The following PTPN4 variants were observed in gnomAD, a reference collection of about 807,000 sequenced individuals.
PTPN4 encodes tyrosine-protein phosphatase non-receptor type 4.
A neutral mutation model predicts 135.5 loss-of-function variants in PTPN4; 49 were observed. The observed-to-expected ratio is 0.36, with a 90% CI of 0.29 to 0.46. The LOEUF is 0.46. PTPN4 is among the 20% of genes least tolerant of loss of function. The pLI is 1.00. For synonymous variants in PTPN4, 333 were observed against 369.9 expected (o/e 0.90, Z 1.14); for missense variants, 860 against 1,101.0 (o/e 0.78, Z 3.10).
intron 2 of PTPN4, among the ~76,000 whole-genome samples, chr2:119,821,161 C>T (rs1039448743): frequency 2.0e-5 from 3 of 147,570 alleles, no homozygotes; most frequent in African/African-American, 5.0e-5. Flanking sequence ...GGCGTGATCT[C>T]GGTTCACTGC....
At chr2:119,785,668 T>C (rs1691033687) in intron 1 of PTPN4, among the ~76,000 whole-genome samples, 1 of 152,146 alleles carries the variant, frequency 6.6e-6, no homozygotes, top group East Asian at 1.9e-4. Context: ...GAATGATGCA[T>C]ATAATGAACA....
chr2:119,760,568 C>A (rs543002887), intron 1 of PTPN4, among the ~76,000 whole-genome samples, 184 bp downstream of exon 1: 1 of 152,000 alleles, frequency 6.6e-6, no homozygotes, highest in Non-Finnish European at 1.5e-5. Context: ...CGCTTTCTTT[C>A]CTTTCTTCCT....
intron 1 of PTPN4, among the ~76,000 whole-genome samples, chr2:119,795,134 T>G (rs1039871481): frequency 1.3e-5 from 2 of 152,184 alleles, no homozygotes; most frequent in Admixed American, 6.5e-5. Flanking sequence ...CCATCATCTC[T>G]TGGTGTCTGG....
At chr2:119,767,046 C>A (rs1219832490) in intron 1 of PTPN4, among the ~76,000 whole-genome samples, 2 of 152,156 alleles carry the variant, frequency 1.3e-5, no homozygotes, top group African/African-American at 4.8e-5. Flanking sequence ...AAAAGTACAA[C>A]AAAGAGCTCC....
chr2:119,945,211 G>C lies in PTPN4; in HGVS notation c.1486G>C (p.Asp496His), dbSNP rs1161311117. 1.9e-6 allele frequency: 3 copies of C among 1,588,000 alleles called. No individual in the cohort carries two copies. Among genetic ancestry groups the C allele is most frequent in the African/African-American group, 2.7e-5 (2 of 73,284 alleles). The change falls in exon 16 of 27, where the codon GAT becomes CAT. Residue 496 changes from aspartate to histidine, a missense_variant. Around this residue, in one of 2 missense-constraint regions of PTPN4, gnomAD observed 684 missense variants for 807.0 expected, o/e 0.85. Coordinates refer to ENST00000263708, the MANE Select transcript of PTPN4 (RefSeq NM_002830.4). ...DLESHINETFDIPSSPEKPTP... is the reference protein window; with the variant it reads ...DLESHINETFHIPSSPEKPTP... ...AGAAAGTCATATTAATGAAACATTTGATATTCCATCTTCTCCTGAAAAACC... is the reference window on the plus strand; with the variant it reads ...AGAAAGTCATATTAATGAAACATTTCATATTCCATCTTCTCCTGAAAAACC...
At chr2:119,884,208 A>G (rs971266296) in intron 8 of PTPN4, among the ~76,000 whole-genome samples, 7 of 152,202 alleles carry the variant, frequency 4.6e-5, no homozygotes, top group Non-Finnish European at 4.4e-5. Flanking sequence ...CCTATTGCCT[A>G]TTTTTATATG....
At chr2:119,803,080 T>G (rs573752348) in intron 1 of PTPN4, among the ~76,000 whole-genome samples, 1 of 152,336 alleles carries the variant, frequency 6.6e-6, no homozygotes, top group Admixed American at 6.5e-5. Flanking sequence ...GTTTTCTGTT[T>G]CTTTGTTAGC....
chr2:119,764,314 A>T (rs559561647), intron 1 of PTPN4, among the ~76,000 whole-genome samples: 1 of 152,352 alleles, frequency 6.6e-6, no homozygotes, highest in South Asian at 2.1e-4. Context: ...TTAAAAATAT[A>T]TAGGAGTTCC....
chr2:119,928,107 T>G (rs1678851729), intron 13 of PTPN4, among the ~76,000 whole-genome samples: 1 of 152,204 alleles, frequency 6.6e-6, no homozygotes, highest in Non-Finnish European at 1.5e-5. Flanking sequence ...TGTGTATATT[T>G]GTTTCCAAAT....
At chr2:119,963,363 G>T (rs1368946419) in intron 24 of PTPN4, among the ~76,000 whole-genome samples, 1 of 152,186 alleles carries the variant, frequency 6.6e-6, no homozygotes, top group Non-Finnish European at 1.5e-5. Flanking sequence ...CATGCTGCCA[G>T]TTCTGTCAGG....
intron 3 of PTPN4, among the ~76,000 whole-genome samples, chr2:119,875,611 AC>A (rs1190602930): frequency 6.6e-6 from 1 of 152,206 alleles, no homozygotes; most frequent in South Asian, 2.1e-4. Context: ...TGAAAACCCT[AC>A]CCCCAGCTAT....
Position 119,977,398 on chromosome 2 carries a change from A to G in PTPN4, c.*328A>G, listed in dbSNP as rs945485080. Reference sequence around the variant, plus strand: ...GCCACAAACAAGGCTCAAAATTCTCATCATCTCTGTTATACACCTGTATCA... The same window carrying G: ...GCCACAAACAAGGCTCAAAATTCTCGTCATCTCTGTTATACACCTGTATCA... On this transcript the variant is annotated 3_prime_UTR_variant, in exon 27 of 27. Transcript: ENST00000263708. 1 of 203,798 alleles carries G rather than the reference A, an allele frequency of 4.9e-6. No individual in the cohort carries two copies. The highest frequency in any genetic ancestry group is 2.4e-5 in the African/African-American group (1 of 42,526). The allele number at this position is 203,798 out of a possible 1,614,324, so 12.6% of individuals were successfully genotyped here. A position where few individuals can be genotyped will look rare whatever the true frequency, so the allele number is the denominator to read the frequency against.
At chr2:119,924,116 G>A (rs1202915484) in intron 12 of PTPN4, among the ~76,000 whole-genome samples, 26 of 134,910 alleles carry the variant, frequency 1.9e-4, no homozygotes, top group African/African-American at 7.0e-4. Flanking sequence ...CAGCCTGGGC[G>A]ACAGAGTGAG....
intron 10 of PTPN4, among the ~76,000 whole-genome samples, chr2:119,911,000 A>G (rs1678563209): frequency 1.3e-5 from 2 of 152,186 alleles, no homozygotes; most frequent in Non-Finnish European, 2.9e-5. Context: ...AGAAACTTGA[A>G]TAGATCTGTA....
chr2:119,908,117 G>A (rs918215450), intron 10 of PTPN4, among the ~76,000 whole-genome samples: 7 of 152,056 alleles, frequency 4.6e-5, no homozygotes, highest in East Asian at 3.9e-4. Context: ...AAACTAAAAC[G>A]CTTTTACATA....
At chr2:119,835,342 G>A (rs970385668) in intron 2 of PTPN4, among the ~76,000 whole-genome samples, 9 of 152,020 alleles carry the variant, frequency 5.9e-5, no homozygotes, top group African/African-American at 1.9e-4. Flanking sequence ...CTGCCACCGC[G>A]CCCAGCTAAT....
chr2:119,772,703 A>G (rs1384775851), intron 1 of PTPN4, among the ~76,000 whole-genome samples: 1 of 152,018 alleles, frequency 6.6e-6, no homozygotes, highest in Non-Finnish European at 1.5e-5. Context: ...ACACCCAGCT[A>G]ATTTTTTATA....
rs553282417 is a variant in PTPN4, at chr2:119,842,110, G to C, written c.139-20426G>C. Among the ~76,000 whole-genome samples, 18 of 152,304 alleles carry C rather than the reference G, an allele frequency of 1.2e-4. No homozygotes were observed. The South Asian group carries it at 3.5e-3, about 30-fold the overall frequency. Reference sequence around the variant, plus strand: ...CGTAGATTTTAATCTGTTATGCAGAGGAGTAGAGTGAAACTCAGAAAGATA... The same window carrying C: ...CGTAGATTTTAATCTGTTATGCAGACGAGTAGAGTGAAACTCAGAAAGATA... On this transcript the variant is annotated intron_variant, in intron 2 of 26. Coordinates refer to ENST00000263708, the MANE Select transcript of PTPN4 (RefSeq NM_002830.4).
intron 3 of PTPN4, among the ~76,000 whole-genome samples, chr2:119,867,487 T>C (rs965627425): frequency 1.3e-5 from 2 of 152,174 alleles, no homozygotes; most frequent in African/African-American, 2.4e-5. Context: ...GGCAACTTGG[T>C]AAATAGAAAA....
Sources: allele counts gnomAD v4.1 joint callset (sites outside exome capture counted in the v4.1 genomes callset), GRCh38; gene constraint gnomAD v4.1.1; regional missense constraint gnomAD v4.1.1; transcripts MANE v1.5; gene names NCBI Gene and HGNC (gene_info 2026-07-23, HGNC 2026-07-21).